SLC25A21: variants seen among roughly 807,000 people sequenced by gnomAD.
SLC25A21 encodes solute carrier family 25 member 21.
In SLC25A21, 47 loss-of-function variants were observed where a neutral mutation model predicts 43.8. That is an observed-to-expected ratio of 1.07 (90% CI 0.85 to 1.37). The LOEUF (loss-of-function observed/expected upper bound fraction) is 1.37. SLC25A21 is among the 40% of genes most tolerant of loss of function. SLC25A21 has a pLI of 0.00. For missense variants in SLC25A21, 352 were observed against 350.2 expected, an observed-to-expected ratio of 1.00 and a Z score of -0.04; for synonymous variants, 131 against 121.3, an observed-to-expected ratio of 1.08 and a Z score of -0.52.
chr14:37,086,631 A>T (rs1488950721), intron 1 of SLC25A21, among the ~76,000 whole-genome samples: 2 of 152,194 alleles, frequency 1.3e-5, no homozygotes, highest in Non-Finnish European at 2.9e-5. Context: ...TAGCTGCATG[A>T]CACTGGCCAA....
chr14:36,873,721 C>G (rs1890440506), intron 2 of SLC25A21, among the ~76,000 whole-genome samples: 1 of 152,072 alleles, frequency 6.6e-6, no homozygotes, highest in Non-Finnish European at 1.5e-5. Flanking sequence ...GAAGTGAGGT[C>G]TTTGGGGGGT....
At chr14:37,018,549 T>C (rs1035202122) in intron 1 of SLC25A21, among the ~76,000 whole-genome samples, 3 of 152,014 alleles carry the variant, frequency 2.0e-5, no homozygotes, top group Admixed American at 6.6e-5. Context: ...CTATCTCCAA[T>C]CCAATCCTAA....
intron 1 of SLC25A21, among the ~76,000 whole-genome samples, chr14:37,111,021 C>G (rs1029625431): frequency 2.0e-5 from 3 of 152,062 alleles, no homozygotes; most frequent in Non-Finnish European, 4.4e-5. Context: ...GGAATAATAC[C>G]TAGCCCAGGA....
chr14:37,077,991 A>G (rs563613600), intron 1 of SLC25A21, among the ~76,000 whole-genome samples: 27 of 151,162 alleles, frequency 1.8e-4, no homozygotes, highest in Non-Finnish European at 3.7e-4. Context: ...GCTCAGTGAG[A>G]GTTACATTTC....
chr14:37,167,190 CT>C (rs1964043608), intron 1 of SLC25A21, among the ~76,000 whole-genome samples: 4 of 152,176 alleles, frequency 2.6e-5, no homozygotes, highest in Admixed American at 6.5e-5. Context: ...GAAATTCATT[CT>C]TCTGTCTGGT....
chr14:36,995,703 A>G (rs1960357182), intron 1 of SLC25A21, among the ~76,000 whole-genome samples: 1 of 152,350 alleles, frequency 6.6e-6, no homozygotes, highest in Middle Eastern at 3.4e-3. Context: ...ATTACCTGGA[A>G]GTTTTCTAAA....
At chr14:37,134,159 G>C (rs908000928) in intron 1 of SLC25A21, among the ~76,000 whole-genome samples, 3 of 152,184 alleles carry the variant, frequency 2.0e-5, no homozygotes, top group Non-Finnish European at 4.4e-5. Context: ...CGACAGTCTT[G>C]ATGAGGAGTA....
rs140263044 is a variant in SLC25A21, at chr14:36,737,902, C to T, written c.204-3329G>A. On this transcript the variant is annotated intron_variant, in intron 3 of 9. Transcript: ENST00000331299. ...TGCTTCCAGAATTTAAGCCTAGTTACGTCTGGCCTTTCTCGAATATTGGTA... is the reference window on the plus strand; with the variant it reads ...TGCTTCCAGAATTTAAGCCTAGTTATGTCTGGCCTTTCTCGAATATTGGTA... Among the ~76,000 whole-genome samples, 1,047 of 152,318 alleles carry T rather than the reference C, an allele frequency of 6.9e-3. 10 individuals carry two copies. Among genetic ancestry groups the T allele is most frequent in the African/African-American group, 0.021 (856 of 41,576 alleles).
chr14:37,093,583 C>T (rs988139709), intron 1 of SLC25A21, among the ~76,000 whole-genome samples: 3 of 152,158 alleles, frequency 2.0e-5, no homozygotes, highest in Non-Finnish European at 4.4e-5. Context: ...CCACAGGTGG[C>T]GAACTGCTTT....
chr14:37,147,886 G>C (rs1963695652), intron 1 of SLC25A21, among the ~76,000 whole-genome samples: 1 of 127,102 alleles, frequency 7.9e-6, no homozygotes. Context: ...CTGTAGCCCA[G>C]GCTGGAGTGC....
chr14:36,957,845 C>T (rs1467144824), intron 1 of SLC25A21, among the ~76,000 whole-genome samples: 1 of 152,098 alleles, frequency 6.6e-6, no homozygotes, highest in Non-Finnish European at 1.5e-5. Flanking sequence ...TTTATTTATA[C>T]GCAACTTGTT....
At chr14:36,753,748 A>G (rs1044425264) in intron 3 of SLC25A21, among the ~76,000 whole-genome samples, 1 of 152,142 alleles carries the variant, frequency 6.6e-6, no homozygotes, top group Admixed American at 6.5e-5. Context: ...AGCACTTCTG[A>G]ACTAGAAAGG....
intron 7 of SLC25A21, among the ~76,000 whole-genome samples, chr14:36,692,939 G>T (rs1216170018): frequency 6.6e-6 from 1 of 152,180 alleles, no homozygotes; most frequent in Non-Finnish European, 1.5e-5. Flanking sequence ...GGAGTTACAT[G>T]ATTTTGGGGG....
chr14:36,943,412 G>C (rs558247874), intron 1 of SLC25A21, among the ~76,000 whole-genome samples: 1 of 152,278 alleles, frequency 6.6e-6, no homozygotes, highest in African/African-American at 2.4e-5. Flanking sequence ...GGCTGGTCTT[G>C]AGCTCCTGGC....
chr14:37,079,529 G>C (rs1962346417), intron 1 of SLC25A21, among the ~76,000 whole-genome samples: 1 of 152,090 alleles, frequency 6.6e-6, no homozygotes, highest in Non-Finnish European at 1.5e-5. Context: ...ACAACCCTTG[G>C]AGTTACCGGA....
At chr14:37,046,988 T>C (rs1173051675) in intron 1 of SLC25A21, among the ~76,000 whole-genome samples, 3 of 152,250 alleles carry the variant, frequency 2.0e-5, no homozygotes, top group African/African-American at 7.2e-5. Flanking sequence ...TAGTTTGTTT[T>C]AGAACATCAC....
chr14:36,735,600 G>A (rs555347815), intron 3 of SLC25A21, among the ~76,000 whole-genome samples: 1 of 152,122 alleles, frequency 6.6e-6, no homozygotes, highest in Non-Finnish European at 1.5e-5. Flanking sequence ...ACAAGAAGTT[G>A]AGAATTTATT....
At chr14:36,705,275 G>A (rs966262044) in intron 7 of SLC25A21, among the ~76,000 whole-genome samples, 1 of 151,712 alleles carries the variant, frequency 6.6e-6, no homozygotes, top group Non-Finnish European at 1.5e-5. Flanking sequence ...TCAATCTCCC[G>A]ACCTCGTGAT....
chr14:36,989,336 G>C (rs1195893035), intron 1 of SLC25A21, among the ~76,000 whole-genome samples: 1 of 152,134 alleles, frequency 6.6e-6, no homozygotes, highest in African/African-American at 2.4e-5. Flanking sequence ...AATTTCTAAA[G>C]TGTAATTCTT....
Sources: gnomAD v4.1 joint callset for allele counts (sites outside exome capture counted in the v4.1 genomes callset) on GRCh38, gnomAD v4.1.1 for gene constraint, MANE v1.5 for transcripts, NCBI Gene and HGNC (gene_info 2026-07-23, HGNC 2026-07-21) for gene names.